The following C2CD2L variants were observed in gnomAD, a reference collection of about 807,000 sequenced individuals.
The protein encoded by C2CD2L is C2CD2 like.
Under a neutral mutation model 69.9 loss-of-function variants are expected in C2CD2L, and 24 were observed. The observed-to-expected ratio is 0.34, with a 90% CI of 0.25 to 0.48. The LOEUF (loss-of-function observed/expected upper bound fraction) is 0.48. Ranked by LOEUF, C2CD2L falls within the 20% of genes least tolerant of loss-of-function variation. The pLI is 0.99. For synonymous variants in C2CD2L, 367 were observed against 391.0 expected (o/e 0.94, Z 0.72); for missense variants, 811 against 941.5 (o/e 0.86, Z 1.81).
chr11:119,116,097 G>T lies in C2CD2L; in HGVS notation c.1962G>T (p.Gln654His), dbSNP rs1048207401. The stretch of plus-strand genomic sequence containing the variant: ...TCATCTTCCGCCGGAGGCCTAGGCA[G>T]AAGGAAGCTGGCCTGAGCCAATCAC... ...TKLIFRRRPR[Q>H]KEAGLSQSHD... The change falls in exon 14 of 14, where the codon CAG becomes CAT. Residue 654 changes from glutamine (Q) to histidine (H), a missense_variant. Coordinates refer to ENST00000648610, the MANE Select transcript of C2CD2L (RefSeq NM_001290474.2). 114 of 1,614,190 alleles carry T rather than the reference G, an allele frequency of 7.1e-5. No individual in the cohort carries two copies. Among genetic ancestry groups the T allele is most frequent in the Non-Finnish European group, 9.3e-5 (110 of 1,180,038 alleles).
At chr11:119,113,292 A>G (rs541209059) in intron 10 of C2CD2L, 56 of 380,968 alleles carry the variant, frequency 1.5e-4, no homozygotes, top group African/African-American at 1.1e-3. Flanking sequence ...GTGGGCCCCC[A>G]TGGCACTTCT....
intron 10 of C2CD2L, chr11:119,113,193 A>C: frequency 2.3e-6 from 1 of 437,650 alleles, no homozygotes; most frequent in Non-Finnish European, 4.1e-6. Flanking sequence ...GCTGACTATA[A>C]TTGTCCATCC....
chr11:119,116,066 C>A lies in C2CD2L; in HGVS notation c.1931C>A (p.Thr644Asn). 4 of 1,614,006 alleles carry A rather than the reference C, an allele frequency of 2.5e-6. No individual in the cohort carries two copies. The highest frequency in any genetic ancestry group is 3.4e-6 in the Non-Finnish European group (4 of 1,180,028). ...DHKVSFLRSG[T>N]KLIFRRRPRQ... ...GCAGTGAGTTTCCTGCGCAGCGGCA[C>A]TAAGCTCATCTTCCGCCGGAGGCCT... Residue 644 changes from threonine to asparagine, a missense_variant, in exon 14 of 14, where the codon ACT (threonine) becomes AAT (asparagine). Transcript: ENST00000648610.
Position 119,110,228 on chromosome 11 carries a change from T to G in C2CD2L, c.450+29T>G. On this transcript the variant is annotated intron_variant, in intron 2 of 13. Coordinates refer to ENST00000648610, the MANE Select transcript of C2CD2L (RefSeq NM_001290474.2). The surrounding 1 kb of genome is among the most constrained non-coding windows in gnomAD (Gnocchi z 5.7). ...AGGGTCTGATGGGCACTGCCCTCTT[T>G]GGGGTCCAAGAAGGACTGACCCCAA... The G allele has an allele frequency of 1.3e-6, 2 of 1,536,330 alleles. No homozygotes were observed. The highest frequency in any genetic ancestry group is 1.8e-6 in the Non-Finnish European group (2 of 1,109,174).
upstream of C2CD2L, chr11:119,106,860 C>T (rs554919764): frequency 6.6e-6 from 1 of 152,408 alleles, no homozygotes; most frequent in South Asian, 2.1e-4. Context: ...GTTCTACTCT[C>T]AACCTCTCCC....
rs758834133 is a variant in C2CD2L at position 119,116,173 on chromosome 11, G to T, written c.2038G>T (p.Gly680Cys). Residue 680 changes from glycine to cysteine, a missense_variant, in exon 14 of 14, where the codon GGC becomes TGC. Coordinates refer to ENST00000648610, the MANE Select transcript of C2CD2L (RefSeq NM_001290474.2). ...TATPSVRKKA[G>C]SFSRRLIKRF... ...CACGCCCAGTGTCCGAAAGAAGGCC[G>T]GCAGCTTTTCTCGCCGCCTTATCAA... is the stretch of plus-strand genomic sequence containing the variant. 3 of 1,614,224 alleles carry T rather than the reference G, an allele frequency of 1.9e-6. No individual in the cohort carries two copies. Among genetic ancestry groups the T allele is most frequent in the Non-Finnish European group, 2.5e-6 (3 of 1,180,044 alleles).
At chr11:119,102,484 G>C, upstream of C2CD2L, 1 of 370,836 alleles carries the variant, frequency 2.7e-6, no homozygotes, top group South Asian at 2.0e-5. Flanking sequence ...TCTTGTCCTC[G>C]ATTCTGGTAT....
chr11:119,111,657 T>C, intron 7 of C2CD2L, 28 bp downstream of exon 7: 2 of 1,492,548 alleles, frequency 1.3e-6, no homozygotes, highest in Non-Finnish European at 1.9e-6. Flanking sequence ...CCCGACCCCA[T>C]GCTCCAGAGC....
chr11:119,111,041 T>G lies in C2CD2L; in HGVS notation c.682-11T>G, dbSNP rs369083480. ...ATCCACCTCCTTGTTGTTCCCTTCT[T>G]CTCTCTGCAGAGAGGTGAAGAACAA... On this transcript the variant is annotated splice_polypyrimidine_tract_variant and intron_variant, in intron 4 of 13. Transcript: ENST00000648610. The G allele has an allele frequency of 1.1e-4, 172 of 1,612,654 alleles. No individual in the cohort carries two copies. Among genetic ancestry groups the G allele is most frequent in the Non-Finnish European group, 1.3e-4 (151 of 1,178,900 alleles).
intron 10 of C2CD2L, 100 bp downstream of exon 10, chr11:119,112,974 C>T (rs1174613974): frequency 3.3e-6 from 3 of 921,220 alleles, no homozygotes; most frequent in East Asian, 5.1e-5. Context: ...ATTCCAACTC[C>T]CCCTGTTTTC....
At position 119,111,370 on chromosome 11, in the gene C2CD2L, G is replaced by T; in HGVS notation, c.906G>T (p.Leu302=). ...QLRASHLGNE[L]EGTEELCCVA... Reference sequence around the variant, plus strand: ...GGGCATCTCACTTGGGAAATGAGCTGGAAGGTGAGAGCTGGAAGTGGCTGC... The same window carrying T: ...GGGCATCTCACTTGGGAAATGAGCTTGAAGGTGAGAGCTGGAAGTGGCTGC... Residue 302 remains leucine (L), a synonymous_variant, in exon 6 of 14, where the codon CTG becomes CTT. Transcript: ENST00000648610. 1 of 1,613,916 alleles carries T rather than the reference G, an allele frequency of 6.2e-7. No homozygotes were observed. The highest frequency in any genetic ancestry group is 2.2e-5 in the East Asian group (1 of 44,890).
At chr11:119,113,772 TA>T in intron 11 of C2CD2L, 60 bp downstream of exon 11, 1 of 1,612,284 alleles carries the variant, frequency 6.2e-7, no homozygotes, top group Non-Finnish European at 8.5e-7. Context: ...CATCAAAAAG[TA>T]CTCTGGGTGG....
upstream of C2CD2L, among the ~76,000 whole-genome samples, chr11:119,104,529 C>T (rs187185734): frequency 3.2e-4 from 48 of 152,268 alleles, 1 homozygote; most frequent in South Asian, 6.0e-3. Flanking sequence ...ATGATAAAGT[C>T]CCAGTTGATG....
At chr11:119,116,014 C>T (rs924576755) in intron 13 of C2CD2L, 31 bp from the exon 14 acceptor site, 1 of 1,605,656 alleles carries the variant, frequency 6.2e-7, no homozygotes. Context: ...CCGTGCCCCT[C>T]TCTGCCTCAG....
rs763037853 is a variant in C2CD2L at position 119,108,006 on chromosome 11, C to T, written c.265C>T (p.Leu89=). ...CGAGGAGCCAGGAGTCCGGGGCCTC[C>T]TGGCGTCACTCTTCGCCTTCAAGTC... The part of the protein sequence containing the change: ...AAEEPGVRGL[L]ASLFAFKSFR... Residue 89 remains leucine (L), a synonymous_variant, in exon 1 of 14, where the codon CTG becomes TTG. Coordinates refer to ENST00000648610, the MANE Select transcript of C2CD2L (RefSeq NM_001290474.2). The T allele has an allele frequency of 6.3e-7, 1 of 1,591,550 alleles. No homozygotes were observed. Among genetic ancestry groups the T allele is most frequent in the South Asian group, 1.1e-5 (1 of 90,080 alleles).
upstream of C2CD2L, among the ~76,000 whole-genome samples, chr11:119,102,751 A>G (rs972071507): frequency 2.3e-4 from 35 of 151,688 alleles, no homozygotes; most frequent in South Asian, 4.2e-4. Context: ...GAGTCTGAGG[A>G]ACTCCCAGTC....
Position 119,113,598 on chromosome 11 carries a change from C to A in C2CD2L, c.1388-13C>A. On this transcript the variant is annotated splice_polypyrimidine_tract_variant and intron_variant, in intron 10 of 13. Transcript: ENST00000648610. ...AGCAACTCCCAGCTCACTGACCCTCCCCCACCCACCAGACTCCCCCTCCCG... is the reference window on the plus strand; with the variant it reads ...AGCAACTCCCAGCTCACTGACCCTCACCCACCCACCAGACTCCCCCTCCCG... 6.2e-7 allele frequency: 1 copy of A among 1,607,920 alleles called. No individual in the cohort carries two copies. Among genetic ancestry groups the A allele is most frequent in the Non-Finnish European group, 8.5e-7 (1 of 1,176,632 alleles).
rs1946897523 is a variant in C2CD2L at position 119,116,537 on chromosome 11, T to C, written c.*281T>C. 3.7e-6 allele frequency: 2 copies of C among 547,816 alleles called. No homozygotes were observed. The highest frequency in any genetic ancestry group is 6.6e-6 in the Non-Finnish European group (2 of 304,896). 33.9% of individuals were successfully genotyped at this position (547,816 alleles called of 1,614,324 possible). A position where few individuals can be genotyped will look rare whatever the true frequency, so the allele number is the denominator to read the frequency against. On this transcript the variant is annotated 3_prime_UTR_variant, in exon 14 of 14. Coordinates refer to ENST00000648610, the MANE Select transcript of C2CD2L (RefSeq NM_001290474.2). ...GTATTCCCCAGAAGCATTTGCCTCCTGCTGAGCCTGGTCCCTGAGCGGAGT... is the reference window on the plus strand; with the variant it reads ...GTATTCCCCAGAAGCATTTGCCTCCCGCTGAGCCTGGTCCCTGAGCGGAGT...
At position 119,113,674 on chromosome 11, in the gene C2CD2L, A is replaced by G. The variant is rs1335018864; in HGVS notation, c.1451A>G (p.Glu484Gly). The change falls in exon 11 of 14, where the codon GAG (glutamate) becomes GGG (glycine). Residue 484 changes from glutamate (E) to glycine (G), a missense_variant. Coordinates refer to ENST00000648610, the MANE Select transcript of C2CD2L (RefSeq NM_001290474.2). ...GAGAAGACGACAACTGTGCTGAGTG[A>G]GAGCAGTGGCCCCAGCAATACCTCC... is the stretch of plus-strand genomic sequence containing the variant. ...VTEKTTTVLSESSGPSNTSHS... is the reference protein window; with the variant it reads ...VTEKTTTVLSGSSGPSNTSHS... The G allele has an allele frequency of 6.2e-7, 1 of 1,613,566 alleles. No homozygotes were observed. Among genetic ancestry groups the G allele is most frequent in the Non-Finnish European group, 8.5e-7 (1 of 1,179,896 alleles).
Sources: gnomAD v4.1 joint callset for allele counts (sites outside exome capture counted in the v4.1 genomes callset) on GRCh38, gnomAD v4.1.1 for gene constraint, Gnocchi (gnomAD v3.1) non-coding constraint, MANE v1.5 for transcripts, NCBI Gene and HGNC (gene_info 2026-07-23, HGNC 2026-07-21) for gene names.